TLCD3B: variants seen among roughly 807,000 people sequenced by gnomAD.
TLCD3B encodes the protein TLC domain containing 3B.
Under a neutral mutation model 23.0 loss-of-function variants are expected in TLCD3B, and 9 were observed. The observed-to-expected ratio is 0.39, with a 90% CI of 0.24 to 0.68. The LOEUF (loss-of-function observed/expected upper bound fraction) is 0.68. Ranked by LOEUF, TLCD3B falls within the 30% of genes least tolerant of loss-of-function variation. The pLI is 0.44. For missense variants in TLCD3B, 307 were observed against 371.8 expected, an observed-to-expected ratio of 0.83 and a Z score of 1.43; for synonymous variants, 161 against 161.0, an observed-to-expected ratio of 1.00 and a Z score of 0.00.
rs550828164 is a variant in TLCD3B, at chr16:30,030,558, C to T, written c.-31G>A. ...CTCAGGACTTGGGCAGGGAGGCAGG[C>T]GGGCCGTGAAGGGGCAGGGAGGCCG... On this transcript the variant is annotated 5_prime_UTR_variant, in exon 1 of 5. Coordinates refer to ENST00000380495, the MANE Select transcript of TLCD3B (RefSeq NM_031478.6). The T allele has an allele frequency of 2.0e-5, 30 of 1,536,136 alleles. No individual in the cohort carries two copies. Among genetic ancestry groups the T allele is most frequent in the East Asian group, 1.2e-4 (5 of 41,854 alleles).
In TLCD3B at chr16:30,026,856, G is replaced by A. The variant is rs375628742; in HGVS notation, c.210-13C>T. ...GGACAGCCAGTGTCTGTTGGGCAGA[G>A]AGACGGGGTGGGGGAGCAAGGAGGA... On this transcript the variant is annotated splice_polypyrimidine_tract_variant and intron_variant, in intron 2 of 4. Transcript: ENST00000380495. 5.6e-6 allele frequency: 9 copies of A among 1,610,970 alleles called. No individual in the cohort carries two copies. The African/African-American group carries it at 1.2e-4, about 22-fold the overall frequency.
intron 1 of TLCD3B, among the ~76,000 whole-genome samples, chr16:30,049,923 C>CA (rs35810240): frequency 2.4e-3 from 320 of 130,948 alleles, no homozygotes; most frequent in Admixed American, 7.5e-3. Context: ...GACTCCATCT[C>CA]AAAAAAAAAA....
chr16:30,035,460 C>A (rs781435558), upstream of TLCD3B: 1 of 1,289,528 alleles, frequency 7.8e-7, no homozygotes, highest in Non-Finnish European at 1.0e-6. Flanking sequence ...CAACCCACTG[C>A]GAACAGCAGG....
chr16:30,025,046 T>A lies in TLCD3B; in HGVS notation c.*137A>T. On this transcript the variant is annotated 3_prime_UTR_variant, in exon 5 of 5. Transcript: ENST00000380495. This position sits in a 1 kb window ranked among gnomAD's most constrained non-coding sequence, Gnocchi z 4.1. ...CCCTCAGTCCCCGAGAGATGGGGCC[T>A]CTTCCCTTTCGGGGTCATCGTCAGT... The A allele has an allele frequency of 1.7e-6, 1 of 601,242 alleles. No individual in the cohort carries two copies. 37.2% of individuals were successfully genotyped at this position (601,242 alleles called of 1,614,324 possible).
intron 2 of TLCD3B, among the ~76,000 whole-genome samples, chr16:30,044,772 C>T (rs1171258873): frequency 2.0e-5 from 3 of 152,130 alleles, no homozygotes; most frequent in African/African-American, 2.4e-5. Flanking sequence ...GAGGCTGGCT[C>T]TCTCCTTGTT....
chr16:30,037,777 G>A (rs934078614), intron 3 of TLCD3B, among the ~76,000 whole-genome samples: 1 of 152,064 alleles, frequency 6.6e-6, no homozygotes, highest in Non-Finnish European at 1.5e-5. Context: ...TTTAAAAGGC[G>A]GTGTAGGATA....
chr16:30,044,888 C>G (rs952905203), intron 2 of TLCD3B, among the ~76,000 whole-genome samples: 12 of 151,444 alleles, frequency 7.9e-5, no homozygotes, highest in African/African-American at 2.2e-4. Context: ...GTCAAGGGTT[C>G]GAGACCAGCC....
At chr16:30,027,025 G>C in intron 2 of TLCD3B, 182 bp from the exon 3 acceptor site, 1 of 692,976 alleles carries the variant, frequency 1.4e-6, no homozygotes, top group Non-Finnish European at 2.6e-6. Context: ...CAGCTAGTAA[G>C]AGATGGTGCT....
chr16:30,051,144 C>T (rs2071742029), intron 1 of TLCD3B, among the ~76,000 whole-genome samples: 1 of 151,988 alleles, frequency 6.6e-6, no homozygotes, highest in Non-Finnish European at 1.5e-5. Context: ...GCCTGTAATA[C>T]CAGCAACCTG....
At chr16:30,035,494 A>T (rs2071450762), upstream of TLCD3B, 2 of 1,289,368 alleles carry the variant, frequency 1.6e-6, no homozygotes, top group Non-Finnish European at 2.0e-6. Flanking sequence ...GCAGCCAAGA[A>T]GGCAGAAAAA....
chr16:30,029,381 G>A lies in TLCD3B; in HGVS notation c.209+51C>T, dbSNP rs771857829. 138 of 1,525,450 alleles carry A rather than the reference G, an allele frequency of 9.0e-5. No homozygotes were observed. The highest frequency in any genetic ancestry group is 1.9e-4 in the Middle Eastern group (1 of 5,272). 94.5% of individuals were successfully genotyped at this position (1,525,450 alleles called of 1,614,324 possible). On this transcript the variant is annotated intron_variant, in intron 2 of 4. Coordinates refer to ENST00000380495, the MANE Select transcript of TLCD3B (RefSeq NM_031478.6). The surrounding 1 kb of genome is among the most constrained non-coding windows in gnomAD (Gnocchi z 4.6). Reference sequence around the variant, plus strand: ...GATGTGGGGTCTTCCGGGATTACCCGTACACGCCAACCACTGGCACCTGGG... The same window carrying A: ...GATGTGGGGTCTTCCGGGATTACCCATACACGCCAACCACTGGCACCTGGG...
chr16:30,029,418 C>G lies in TLCD3B; in HGVS notation c.209+14G>C, dbSNP rs2071283808. On this transcript the variant is annotated intron_variant, in intron 2 of 4. Coordinates refer to ENST00000380495, the MANE Select transcript of TLCD3B (RefSeq NM_031478.6). The surrounding 1 kb of genome is among the most constrained non-coding windows in gnomAD (Gnocchi z 4.6). The stretch of plus-strand genomic sequence containing the variant: ...CACTGGCACCTGGGCAGGGGGGTGT[C>G]TCGCAGCACTTACTGGTCATCAATG... 1 of 1,612,704 alleles carries G rather than the reference C, an allele frequency of 6.2e-7. No homozygotes were observed. Among genetic ancestry groups the G allele is most frequent in the African/African-American group, 1.3e-5 (1 of 74,872 alleles).
chr16:30,050,884 G>A (rs1239984879), intron 1 of TLCD3B, among the ~76,000 whole-genome samples: 13 of 152,174 alleles, frequency 8.5e-5, no homozygotes, highest in Admixed American at 8.5e-4. Context: ...AAAATGCCAG[G>A]ATTCAGCCAT....
intron 3 of TLCD3B, among the ~76,000 whole-genome samples, chr16:30,038,131 A>C (rs1337785970): frequency 6.6e-6 from 1 of 152,154 alleles, no homozygotes; most frequent in Non-Finnish European, 1.5e-5. Context: ...GCAGTTTTTA[A>C]AATTCTAAAT....
intron 2 of TLCD3B, among the ~76,000 whole-genome samples, chr16:30,044,858 G>C (rs935515020): frequency 1.3e-5 from 2 of 151,894 alleles, no homozygotes; most frequent in African/African-American, 2.4e-5. Context: ...CGGGCGGCGG[G>C]GGGGTGCGGA....
chr16:30,051,790 G>A (rs757124619), intron 1 of TLCD3B, among the ~76,000 whole-genome samples: 4 of 152,176 alleles, frequency 2.6e-5, no homozygotes, highest in Non-Finnish European at 5.9e-5. Flanking sequence ...CTCTGCCTGA[G>A]GTTGGCAGGG....
At chr16:30,048,211 C>T (rs1385831680) in intron 1 of TLCD3B, among the ~76,000 whole-genome samples, 1 of 150,442 alleles carries the variant, frequency 6.6e-6, no homozygotes, top group African/African-American at 2.4e-5. Context: ...AGAGATTCTT[C>T]CACCTCAGCT....
Position 30,025,324 on chromosome 16 carries a change from C to T in TLCD3B, c.684G>A (p.Leu228=). The change falls in exon 5 of 5, where the codon CTG becomes CTA. Residue 228 remains leucine (L), a synonymous_variant. Coordinates refer to ENST00000380495, the MANE Select transcript of TLCD3B (RefSeq NM_031478.6). The surrounding 1 kb of genome is among the most constrained non-coding windows in gnomAD (Gnocchi z 4.1). ...CCAGGTTGACGTGGGCAGGGATGGC[C>T]AGGGGCACGGCCAGCAGGGGCAGGC... is the stretch of plus-strand genomic sequence containing the variant. ...HAGLPLLAVP[L]AIPAHVNLGA... is the part of the protein sequence containing the mutation. 6.4e-7 allele frequency: 1 copy of T among 1,573,130 alleles called. No homozygotes were observed. Among genetic ancestry groups the T allele is most frequent in the Non-Finnish European group, 8.6e-7 (1 of 1,158,494 alleles).
upstream of TLCD3B, chr16:30,035,546 C>G (rs1029048937): frequency 6.3e-6 from 8 of 1,267,448 alleles, no homozygotes; most frequent in Admixed American, 2.4e-5. Context: ...CTCAGACCCC[C>G]CAGCAGCCTT....
Sources: allele counts gnomAD v4.1 joint callset (sites outside exome capture counted in the v4.1 genomes callset), GRCh38; gene constraint gnomAD v4.1.1; non-coding constraint Gnocchi (gnomAD v3.1); transcripts MANE v1.5; gene names NCBI Gene and HGNC (gene_info 2026-07-23, HGNC 2026-07-21).